KMT2C: variants seen among roughly 807,000 people sequenced by gnomAD.
KMT2C encodes lysine methyltransferase 2C.
KMT2C carries 88 observed loss-of-function variants against 507.9 expected under a neutral mutation model. The ratio of observed to expected loss-of-function variants is 0.17; its 90% CI spans 0.15 to 0.21. The LOEUF (loss-of-function observed/expected upper bound fraction) is 0.21. Ranked by LOEUF, KMT2C falls within the 10% of genes least tolerant of loss-of-function variation. The pLI, the probability that KMT2C is intolerant of heterozygous loss-of-function variation, is 1.00. For synonymous variants in KMT2C, 2,049 were observed against 2,080.8 expected (o/e 0.98, Z 0.42); for missense variants, 4,954 against 5,957.8 (o/e 0.83, Z 5.55).
At chr7:152,391,142 CAAAAA>C (rs1195125465) in intron 1 of KMT2C, among the ~76,000 whole-genome samples, 19 of 34,762 alleles carry the variant, frequency 5.5e-4, no homozygotes, top group Admixed American at 1.2e-3. Context: ...AGACTGTCTC[CAAAAA>C]AAAAAAAAAA....
intron 52 of KMT2C, 110 bp downstream of exon 52, chr7:152,147,920 CATT>C: frequency 8.7e-7 from 1 of 1,146,560 alleles, no homozygotes; most frequent in South Asian, 1.9e-5. Flanking sequence ...GAAAAATACA[CATT>C]ATAAAATATA....
chr7:152,399,206 T>A (rs2097556461), intron 1 of KMT2C, among the ~76,000 whole-genome samples: 1 of 152,150 alleles, frequency 6.6e-6, no homozygotes. Flanking sequence ...ACCTAACACA[T>A]TCTGAAACAC....
intron 9 of KMT2C, among the ~76,000 whole-genome samples, chr7:152,258,539 T>TG (rs1588657718): frequency 6.6e-6 from 1 of 151,996 alleles, no homozygotes; most frequent in East Asian, 1.9e-4. Context: ...TTGTTGTTGT[T>TG]TTTGAGACAG....
chr7:152,317,130 T>C (rs182864528), intron 3 of KMT2C, among the ~76,000 whole-genome samples: 6 of 152,320 alleles, frequency 3.9e-5, no homozygotes, highest in Admixed American at 3.3e-4. Flanking sequence ...TTCAATTTTA[T>C]ATTCAAAACT....
At chr7:152,314,616 A>G (rs1449216149) in intron 4 of KMT2C, among the ~76,000 whole-genome samples, 7 of 152,164 alleles carry the variant, frequency 4.6e-5, no homozygotes, top group African/African-American at 1.7e-4. Context: ...GGACAGTGCA[A>G]CATTTTCTGA....
intron 6 of KMT2C, among the ~76,000 whole-genome samples, chr7:152,279,700 AT>A (rs1362817673): frequency 2.0e-5 from 3 of 151,054 alleles, no homozygotes; most frequent in African/African-American, 4.9e-5. Context: ...GCTAAAAAAA[AT>A]AACATCAAAC....
intron 3 of KMT2C, among the ~76,000 whole-genome samples, chr7:152,328,648 A>T (rs578069593): frequency 2.0e-5 from 3 of 152,262 alleles, no homozygotes; most frequent in African/African-American, 7.2e-5. Context: ...ACTGTGCTAT[A>T]AACAAATTGG....
Position 152,176,543 on chromosome 7 carries a change from A to C in KMT2C, c.8910T>G (p.Asn2970Lys), listed in dbSNP as rs2129113227. ...CCCTAGAGACTACTGTCACATTAGA[A>C]TTCATGGCATTATCCAAAACACGGC... is the stretch of plus-strand genomic sequence containing the variant. The part of the protein sequence containing the change: ...PPGRVLDNAM[N>K]SNVTVVSRVN... Residue 2970 changes from asparagine to lysine, a missense_variant, in exon 38 of 59, where the codon AAT becomes AAG. Coordinates refer to ENST00000262189, the MANE Select transcript of KMT2C (RefSeq NM_170606.3). The C allele has an allele frequency of 6.2e-7, 1 of 1,614,208 alleles. No individual in the cohort carries two copies.
chr7:152,249,966 C>G lies in KMT2C; in HGVS notation c.1736-13G>C, dbSNP rs1433560008. On this transcript the variant is annotated splice_polypyrimidine_tract_variant and intron_variant, in intron 12 of 58. Transcript: ENST00000262189. ...TGGACTTGAACCGCTGTGAGTAACA[C>G]ATTTATAAAATCTCTAAGGAGTCAA... is the stretch of plus-strand genomic sequence containing the variant. The G allele has an allele frequency of 6.3e-7, 1 of 1,581,608 alleles. No homozygotes were observed. The highest frequency in any genetic ancestry group is 8.7e-7 in the Non-Finnish European group (1 of 1,152,114).
Position 152,251,909 on chromosome 7 carries a change from A to C in KMT2C, c.1621+30T>G, listed in dbSNP as rs2095568345. 5 of 1,548,746 alleles carry C rather than the reference A, an allele frequency of 3.2e-6. No individual in the cohort carries two copies. In the South Asian group the frequency reaches 6.3e-5, roughly 19 times the overall value. On this transcript the variant is annotated intron_variant, in intron 11 of 58. Transcript: ENST00000262189. ...ATGGCACAACATTACAAAAACAAAAAATTTAAAAAAAAATCATTCTCAAAT... is the reference window on the plus strand; with the variant it reads ...ATGGCACAACATTACAAAAACAAAACATTTAAAAAAAAATCATTCTCAAAT...
intron 14 of KMT2C, among the ~76,000 whole-genome samples, chr7:152,241,263 G>C (rs1039243925): frequency 3.3e-5 from 5 of 151,954 alleles, no homozygotes; most frequent in African/African-American, 1.2e-4. Context: ...GCGGTGGTGC[G>C]ATCTCGGCTC....
At chr7:152,221,889 A>G in intron 22 of KMT2C, 112 bp downstream of exon 22, 1 of 701,056 alleles carries the variant, frequency 1.4e-6, no homozygotes, top group East Asian at 2.7e-5. Context: ...ACATTACAGA[A>G]TTTGGATAGA....
At chr7:152,409,842 G>A (rs1293838146) in intron 1 of KMT2C, among the ~76,000 whole-genome samples, 5 of 152,076 alleles carry the variant, frequency 3.3e-5, no homozygotes, top group Non-Finnish European at 7.3e-5. Context: ...CACACATGAA[G>A]AAATCTGTTG....
intron 1 of KMT2C, among the ~76,000 whole-genome samples, chr7:152,415,169 T>C (rs991706302): frequency 6.6e-6 from 1 of 152,170 alleles, no homozygotes; most frequent in East Asian, 1.9e-4. Context: ...AGAGGACTTA[T>C]TACTAGTCCT....
Position 152,184,248 on chromosome 7 carries a change from T to C in KMT2C, c.5083-1092A>G, listed in dbSNP as rs192804027. Among the ~76,000 whole-genome samples the C allele has an allele frequency of 7.3e-3, 1,113 of 152,144 alleles. 14 individuals carry two copies. Among genetic ancestry groups the C allele is most frequent in the African/African-American group, 0.021 (890 of 41,506 alleles). ...CAGCATATTAACACATCTATATATA[T>C]ATATGTGATAGAGCATATACACACA... On this transcript the variant is annotated intron_variant, in intron 34 of 58. Coordinates refer to ENST00000262189, the MANE Select transcript of KMT2C (RefSeq NM_170606.3).
intron 7 of KMT2C, among the ~76,000 whole-genome samples, chr7:152,268,570 T>C (rs977104130): frequency 1.3e-5 from 2 of 151,774 alleles, no homozygotes; most frequent in South Asian, 2.1e-4. Flanking sequence ...AAATAAATCA[T>C]TAATCTAACA....
At chr7:152,233,786 T>C in intron 16 of KMT2C, among the ~76,000 whole-genome samples, 1 of 152,154 alleles carries the variant, frequency 6.6e-6, no homozygotes, top group Admixed American at 6.5e-5. Context: ...AAGATGCAAA[T>C]TTATGCAAGG....
chr7:152,400,948 T>C (rs972978559), intron 1 of KMT2C, among the ~76,000 whole-genome samples: 2 of 152,028 alleles, frequency 1.3e-5, no homozygotes, highest in Non-Finnish European at 2.9e-5. Flanking sequence ...CAGAAAAAGA[T>C]TGATAAAATG....
Position 152,137,106 on chromosome 7 carries a change from G to A in KMT2C, c.14644-182C>T, listed in dbSNP as rs1333400381. 5.4e-6 allele frequency: 3 copies of A among 557,850 alleles called. No homozygotes were observed. In the East Asian group the frequency reaches 8.9e-5, roughly 17 times the overall value. 34.6% of individuals were successfully genotyped at this position (557,850 alleles called of 1,614,324 possible). On this transcript the variant is annotated intron_variant, in intron 58 of 58. Transcript: ENST00000262189. Reference sequence around the variant, plus strand: ...TGAAAAGAGGCATTGTGCTTGCACAGAGGAAATGAGGGAGGCAGTATTTTT... The same window carrying A: ...TGAAAAGAGGCATTGTGCTTGCACAAAGGAAATGAGGGAGGCAGTATTTTT...
Sources: gnomAD v4.1 joint callset for allele counts (sites outside exome capture counted in the v4.1 genomes callset) on GRCh38, gnomAD v4.1.1 for gene constraint, MANE v1.5 for transcripts, NCBI Gene and HGNC (gene_info 2026-07-23, HGNC 2026-07-21) for gene names.